DGKD: variants seen among roughly 807,000 people sequenced by gnomAD.
The protein encoded by DGKD is diacylglycerol kinase delta.
In DGKD, 68 loss-of-function variants were observed where a neutral mutation model predicts 154.4. The ratio of observed to expected loss-of-function variants is 0.44; its 90% CI spans 0.36 to 0.54. The LOEUF (loss-of-function observed/expected upper bound fraction) is 0.54. DGKD is among the 20% of genes least tolerant of loss of function. DGKD has a pLI of 0.00. For missense variants in DGKD, 1,343 were observed against 1,593.6 expected (o/e 0.84, Z 2.68); for synonymous variants, 693 against 638.0 (o/e 1.09, Z -1.30).
At chr2:233,468,704 C>T (rs1460203751) in intron 29 of DGKD, 151 bp downstream of exon 29, 21 of 1,235,468 alleles carry the variant, frequency 1.7e-5, no homozygotes, top group Admixed American at 2.4e-5. Flanking sequence ...CTGTGGCCCT[C>T]ATCTAGGCAG....
chr2:233,390,518 C>T (rs770393302), intron 3 of DGKD, 35 bp downstream of exon 3: 1 of 1,548,992 alleles, frequency 6.5e-7, no homozygotes, highest in South Asian at 1.1e-5. Context: ...CTTGATTCTT[C>T]ACTGAAGTTG....
chr2:233,451,091 C>T, intron 17 of DGKD, 41 bp downstream of exon 17: 1 of 1,581,846 alleles, frequency 6.3e-7, no homozygotes, highest in Non-Finnish European at 8.7e-7. Context: ...GGGGCCCTAG[C>T]ACAACACTGG....
chr2:233,447,148 C>T (rs571018772), intron 12 of DGKD, among the ~76,000 whole-genome samples: 50 of 151,844 alleles, frequency 3.3e-4, no homozygotes, highest in African/African-American at 1.1e-3. Context: ...GCGGTGCCCA[C>T]GTGCCTGGAA....
chr2:233,462,823 CT>C, intron 26 of DGKD, 88 bp downstream of exon 26: 1 of 1,196,650 alleles, frequency 8.4e-7, no homozygotes, highest in Non-Finnish European at 1.2e-6. Flanking sequence ...GGGCAGCACA[CT>C]TTAGTCCAGA....
chr2:233,435,909 T>G lies in DGKD; in HGVS notation c.678T>G (p.Ile226Met). The change falls in exon 6 of 30, where the codon ATT becomes ATG. Residue 226 changes from isoleucine (I) to methionine (M), a missense_variant. Ile to Met is a conservative substitution (Grantham distance 10). Transcript: ENST00000264057. ...TTLASIGKDI[I>M]EDADGIAMPH... ...TGGCCTCGATCGGGAAGGACATCAT[T>G]GAAGATGCAGATGGGGTATGTTAAG... is the stretch of plus-strand genomic sequence containing the variant. 1.2e-6 allele frequency: 2 copies of G among 1,610,290 alleles called. No individual in the cohort carries two copies. The highest frequency in any genetic ancestry group is 2.2e-5 in the East Asian group (1 of 44,818).
rs1189644590 is a variant in DGKD, at chr2:233,457,420, C to T, written c.2580+92C>T. On this transcript the variant is annotated intron_variant, in intron 21 of 29. Transcript: ENST00000264057. This position sits in a 1 kb window ranked among gnomAD's most constrained non-coding sequence, Gnocchi z 5.5. ...TGTTCTGCTGTGGCTGGGGTGGATC[C>T]AGCTCTTCTGTTGTGCCAGCAGTGG... The T allele has an allele frequency of 2.1e-6, 2 of 970,718 alleles. No homozygotes were observed. The highest frequency in any genetic ancestry group is 2.4e-5 in the East Asian group (1 of 41,384). 60.1% of individuals were successfully genotyped at this position (970,718 alleles called of 1,614,324 possible).
intron 3 of DGKD, among the ~76,000 whole-genome samples, chr2:233,426,859 A>G (rs1240592558): frequency 6.6e-6 from 1 of 152,238 alleles, no homozygotes; most frequent in African/African-American, 2.4e-5. Flanking sequence ...GTTACAGCTC[A>G]GCCATTGTGA....
chr2:233,373,865 C>A (rs2125404068), intron 1 of DGKD, among the ~76,000 whole-genome samples: 1 of 151,762 alleles, frequency 6.6e-6, no homozygotes, highest in Middle Eastern at 3.4e-3. Flanking sequence ...ACATTAGCAT[C>A]CCTAAACATT....
intron 9 of DGKD, among the ~76,000 whole-genome samples, chr2:233,439,300 A>T (rs977276237): frequency 1.2e-4 from 18 of 152,098 alleles, no homozygotes; most frequent in Non-Finnish European, 1.8e-4. Context: ...GGCTACTCTG[A>T]TGTGAACCTC....
chr2:233,377,186 G>A (rs989043487), intron 1 of DGKD, among the ~76,000 whole-genome samples: 4 of 148,474 alleles, frequency 2.7e-5, no homozygotes, highest in South Asian at 2.1e-4. Context: ...GGGTTCAAAC[G>A]ATTCTCTTGC....
At chr2:233,417,604 A>C (rs1234175336) in intron 3 of DGKD, among the ~76,000 whole-genome samples, 1 of 152,186 alleles carries the variant, frequency 6.6e-6, no homozygotes, top group African/African-American at 2.4e-5. Context: ...TGATGCTAAG[A>C]TTCTTTTTAA....
chr2:233,447,957 A>G (rs2063141455), intron 12 of DGKD, 130 bp from the exon 13 acceptor site: 9 of 1,517,590 alleles, frequency 5.9e-6, no homozygotes, highest in East Asian at 2.3e-5. Context: ...TGGGTCAGAC[A>G]GTGTCTGTTA....
At chr2:233,370,091 A>G (rs2125396334) in intron 1 of DGKD, among the ~76,000 whole-genome samples, 1 of 152,194 alleles carries the variant, frequency 6.6e-6, no homozygotes, top group African/African-American at 2.4e-5. Flanking sequence ...GAACTTCTGT[A>G]TCCCCTACAT....
chr2:233,380,289 G>T (rs138260466), intron 1 of DGKD, among the ~76,000 whole-genome samples: 117 of 152,294 alleles, frequency 7.7e-4, no homozygotes, highest in African/African-American at 2.7e-3. Context: ...GGCCCCTGGG[G>T]ACGCCAGCCT....
rs2124987021 is a variant in DGKD at position 233,471,582 on chromosome 2, AGGAC to A, written c.*2123_*2126del. 1 of 152,536 alleles carries A rather than the reference AGGAC, an allele frequency of 6.6e-6. No individual in the cohort carries two copies. The highest frequency in any genetic ancestry group is 1.9e-4 in the East Asian group (1 of 5,326). The allele number at this position is 152,536 out of a possible 1,614,324, so 9.4% of individuals were successfully genotyped here. A position where few individuals can be genotyped will look rare whatever the true frequency, so the allele number is the denominator to read the frequency against. On this transcript the variant is annotated 3_prime_UTR_variant, in exon 30 of 30. Transcript: ENST00000264057. ...GGATAAACAGCTGACTGTGGCTTCA[AGGAC>A]ATCAGGGCCACCCCAAGTCCTCAGT...
intron 3 of DGKD, among the ~76,000 whole-genome samples, chr2:233,401,153 G>T (rs921589468): frequency 6.6e-6 from 1 of 151,958 alleles, no homozygotes; most frequent in Admixed American, 6.6e-5. Flanking sequence ...CGAGTCACAG[G>T]ACAGCTCGAA....
At chr2:233,443,300 A>G (rs965678190) in intron 10 of DGKD, among the ~76,000 whole-genome samples, 2 of 152,092 alleles carry the variant, frequency 1.3e-5, no homozygotes, top group African/African-American at 2.4e-5. Context: ...TTTTAAATAA[A>G]TCACCTGTTC....
In DGKD at chr2:233,431,299, A is replaced by G. The variant is rs544294297; in HGVS notation, c.349-3081A>G. ...GAGAGATTTCTACAATGAATACTAC[A>G]AAACATTGATGCAAGAAATGGAAGA... On this transcript the variant is annotated intron_variant, in intron 3 of 29. Transcript: ENST00000264057. Among the ~76,000 whole-genome samples the G allele has an allele frequency of 5.0e-4, 76 of 152,358 alleles. No individual in the cohort carries two copies. In the South Asian group the frequency reaches 6.4e-3, roughly 13 times the overall value.
At chr2:233,461,190 G>T (rs1006969696) in intron 24 of DGKD, among the ~76,000 whole-genome samples, 1 of 152,268 alleles carries the variant, frequency 6.6e-6, no homozygotes, top group African/African-American at 2.4e-5. Context: ...GCCGGCAGCT[G>T]TGCTGCTCCG....
Sources: allele counts gnomAD v4.1 joint callset (sites outside exome capture counted in the v4.1 genomes callset), GRCh38; gene constraint gnomAD v4.1.1; non-coding constraint Gnocchi (gnomAD v3.1); transcripts MANE v1.5; gene names NCBI Gene and HGNC (gene_info 2026-07-23, HGNC 2026-07-21).